The following HDAC9 variants were observed in gnomAD, a reference collection of about 807,000 sequenced individuals.
HDAC9 encodes histone deacetylase 9.
HDAC9 carries 41 observed loss-of-function variants against 139.4 expected under a neutral mutation model. The ratio of observed to expected loss-of-function variants is 0.29; its 90% confidence interval spans 0.23 to 0.38. The LOEUF (loss-of-function observed/expected upper bound fraction) is 0.38. HDAC9 is among the 10% of genes least tolerant of loss of function. HDAC9 has a pLI of 1.00. For missense variants in HDAC9, 1,147 were observed against 1,297.0 expected, an observed-to-expected ratio of 0.88 and a Z score of 1.78; for synonymous variants, 517 against 476.2, an observed-to-expected ratio of 1.09 and a Z score of -1.12.
At chr7:18,246,319 C>A (rs541377432) in intron 2 of HDAC9, among the ~76,000 whole-genome samples, 6 of 151,260 alleles carry the variant, frequency 4.0e-5, no homozygotes, top group African/African-American at 1.5e-4. Context: ...ACAGCTACAG[C>A]AAAGGTTGGA....
chr7:18,668,797 T>A (rs1243511391), intron 12 of HDAC9: 2 of 983,204 alleles, frequency 2.0e-6, no homozygotes, highest in Non-Finnish European at 1.2e-6. Context: ...CTTCTTGCCT[T>A]CTGTTATAAG....
intron 22 of HDAC9, among the ~76,000 whole-genome samples, chr7:18,877,380 C>G (rs1799398226): frequency 6.6e-6 from 1 of 152,146 alleles, no homozygotes; most frequent in South Asian, 2.1e-4. Context: ...TTCAGGAAGT[C>G]ATCCTTTATT....
In HDAC9 at chr7:18,729,764, T is replaced by C. The variant is rs1281780888; in HGVS notation, c.1909+2007T>C. On this transcript the variant is annotated intron_variant, in intron 13 of 25. Transcript: ENST00000686413. ...AATAGGAAAGTGAACTTAAGATTCTTTTTATATATAATGGATTTGATAAGG... is the reference window on the plus strand; with the variant it reads ...AATAGGAAAGTGAACTTAAGATTCTCTTTATATATAATGGATTTGATAAGG... Among the ~76,000 whole-genome samples the C allele has an allele frequency of 2.0e-5, 3 of 152,202 alleles. No individual in the cohort carries two copies. The East Asian group carries it at 5.8e-4, about 29-fold the overall frequency.
At position 18,889,826 on chromosome 7, in the gene HDAC9, T is replaced by C. The variant is rs1017910037; in HGVS notation, c.2803+15230T>C. Among the ~76,000 whole-genome samples, 6 of 152,192 alleles carry C rather than the reference T, an allele frequency of 3.9e-5. No homozygotes were observed. The South Asian group carries it at 6.2e-4, about 16-fold the overall frequency. On this transcript the variant is annotated intron_variant, in intron 22 of 25. Transcript: ENST00000686413. ...GATCCTCCCACCTCAGCCTTCTACATAGCTAGCACTACCGGCCTGTGATAC... is the reference window on the plus strand; with the variant it reads ...GATCCTCCCACCTCAGCCTTCTACACAGCTAGCACTACCGGCCTGTGATAC...
At chr7:18,506,642 A>C (rs1799852757) in intron 2 of HDAC9, among the ~76,000 whole-genome samples, 1 of 152,154 alleles carries the variant, frequency 6.6e-6, no homozygotes, top group African/African-American at 2.4e-5. Flanking sequence ...TTATAAGCAC[A>C]ATAAATATAC....
At chr7:18,973,816 C>T (rs1784393193) in intron 24 of HDAC9, among the ~76,000 whole-genome samples, 1 of 152,162 alleles carries the variant, frequency 6.6e-6, no homozygotes, top group African/African-American at 2.4e-5. Flanking sequence ...ATCATGGTTT[C>T]CCACTTGGAC....
At chr7:18,505,208 T>G (rs1398576272) in intron 2 of HDAC9, among the ~76,000 whole-genome samples, 1 of 152,218 alleles carries the variant, frequency 6.6e-6, no homozygotes. Flanking sequence ...TTGCCAGTGT[T>G]CATGATACAC....
intron 2 of HDAC9, among the ~76,000 whole-genome samples, chr7:18,222,601 G>A (rs996521969): frequency 3.3e-5 from 5 of 152,090 alleles, no homozygotes; most frequent in Non-Finnish European, 5.9e-5. Context: ...GATGACCACT[G>A]ATTACAGTTT....
At position 18,874,548 on chromosome 7, in the gene HDAC9, T is replaced by C. The variant is rs1171567853; in HGVS notation, c.2755T>C (p.Leu919=). The change falls in exon 22 of 26, where the codon TTG becomes CTG. Residue 919 remains leucine, a synonymous_variant. Coordinates refer to ENST00000686413, the MANE Select transcript of HDAC9 (RefSeq NM_178425.4). ...CTTAGTATCTGCTGGATTTGATGCA[T>C]TGGAAGGCCACACCCCTCCTCTAGG... ...MVLVSAGFDA[L]EGHTPPLGGY... is the part of the protein sequence containing the mutation. 6.3e-7 allele frequency: 1 copy of C among 1,596,240 alleles called. No homozygotes were observed. The highest frequency in any genetic ancestry group is 8.5e-7 in the Non-Finnish European group (1 of 1,170,440).
At position 19,001,989 on chromosome 7, in the gene HDAC9, G is replaced by A. The variant is rs1786773937; in HGVS notation, c.*5927G>A. 1.3e-5 allele frequency: 2 copies of A among 151,944 alleles called. No homozygotes were observed. Among genetic ancestry groups the A allele is most frequent in the Admixed American group, 6.6e-5 (1 of 15,248 alleles). 9.4% of individuals were successfully genotyped at this position (151,944 alleles called of 1,614,324 possible). ...AAATAAAAATGTCTTTTCTATTGTGGTCTGATATCCGTTTCTGTAATAAGA... is the reference window on the plus strand; with the variant it reads ...AAATAAAAATGTCTTTTCTATTGTGATCTGATATCCGTTTCTGTAATAAGA... On this transcript the variant is annotated 3_prime_UTR_variant, in exon 26 of 26. Transcript: ENST00000686413.
intron 22 of HDAC9, among the ~76,000 whole-genome samples, chr7:18,894,611 T>C (rs371159029): frequency 1.1e-4 from 16 of 152,236 alleles, no homozygotes; most frequent in African/African-American, 3.9e-4. Flanking sequence ...TATAGACTGC[T>C]GCTCTTGAGG....
At chr7:18,825,160 A>G (rs73065901) in intron 17 of HDAC9, among the ~76,000 whole-genome samples, 16,306 of 152,268 alleles carry the variant, frequency 0.11, 1,116 homozygotes, top group African/African-American at 0.19. Context: ...GCTGGTTCCC[A>G]GAGAAGAGTC....
At chr7:18,403,735 C>G (rs1219149479) in intron 1 of HDAC9, among the ~76,000 whole-genome samples, 1 of 152,196 alleles carries the variant, frequency 6.6e-6, no homozygotes, top group African/African-American at 2.4e-5. Context: ...AAGGCAAAAA[C>G]AGTTCTTGCC....
intron 1 of HDAC9, among the ~76,000 whole-genome samples, chr7:18,470,227 C>G (rs555838323): frequency 1.1e-4 from 17 of 151,874 alleles, no homozygotes; most frequent in African/African-American, 3.9e-4. Context: ...GCAGGAGGAT[C>G]AGTTGAGCCC....
chr7:18,943,224 T>G (rs1782142221), intron 23 of HDAC9, among the ~76,000 whole-genome samples: 1 of 152,106 alleles, frequency 6.6e-6, no homozygotes, highest in Non-Finnish European at 1.5e-5. Flanking sequence ...CCTTCAATGT[T>G]GTTAGAACTT....
rs114710665 is a variant in HDAC9, at chr7:18,412,633, C to G, written c.-41-83629C>G. On this transcript the variant is annotated intron_variant, in intron 1 of 3. Coordinates refer to the HDAC9 transcript ENST00000413509. ...GGCCGTTGCATCACTAAGGGACTCA[C>G]GCTCAGTTGTGATTTGCTTCAAAGC... Among the ~76,000 whole-genome samples the G allele has an allele frequency of 5.1e-3, 781 of 152,280 alleles. 7 individuals are homozygous for G. The highest frequency in any genetic ancestry group is 0.018 in the African/African-American group (738 of 41,554).
chr7:18,602,847 T>G (rs888359681), intron 6 of HDAC9, among the ~76,000 whole-genome samples: 3 of 152,126 alleles, frequency 2.0e-5, no homozygotes, highest in African/African-American at 7.2e-5. Flanking sequence ...CCTTTAGATT[T>G]GTTGAGGTAC....
intron 21 of HDAC9, 52 bp downstream of exon 21, chr7:18,836,049 T>C: frequency 1.1e-6 from 1 of 947,604 alleles, no homozygotes; most frequent in Middle Eastern, 2.2e-4. Context: ...AAATGTCCAT[T>C]GAAATAACAC....
At chr7:18,896,562 TA>T (rs1801216435) in intron 22 of HDAC9, among the ~76,000 whole-genome samples, 1 of 152,114 alleles carries the variant, frequency 6.6e-6, no homozygotes, top group Non-Finnish European at 1.5e-5. Context: ...CTTATGCTGT[TA>T]AAACTGCCCA....
Sources: gnomAD v4.1 joint callset for allele counts (sites outside exome capture counted in the v4.1 genomes callset) on GRCh38, gnomAD v4.1.1 for gene constraint, MANE v1.5 for transcripts, NCBI Gene and HGNC (gene_info 2026-07-23, HGNC 2026-07-21) for gene names.